The following SLC28A1 variants were observed in gnomAD, a reference collection of about 807,000 sequenced individuals.
The protein encoded by SLC28A1 is sodium/nucleoside cotransporter 1.
A neutral mutation model predicts 74.8 loss-of-function variants in SLC28A1; 64 were observed. The observed-to-expected ratio is 0.86, with a 90% CI of 0.70 to 1.05. SLC28A1 has a LOEUF of 1.05. Among genes scored for constraint, SLC28A1 ranks in the 50% least tolerant of loss-of-function variants. The pLI, the probability that SLC28A1 is intolerant of heterozygous loss-of-function variation, is 0.00. For synonymous variants in SLC28A1, 359 were observed against 335.0 expected (o/e 1.07, Z -0.78); for missense variants, 828 against 822.8 (o/e 1.01, Z -0.08).
chr15:84,955,883 GA>G, the SLC28A1 span, among the ~76,000 whole-genome samples: 1 of 152,096 alleles, frequency 6.6e-6, no homozygotes, highest in African/African-American at 2.4e-5. Context: ...TAGGGGCATT[GA>G]CCCCAGCCTT....
At chr15:84,961,467 G>A in the SLC28A1 span, 2 of 452,778 alleles carry the variant, frequency 4.4e-6, no homozygotes, top group Non-Finnish European at 8.8e-6. Flanking sequence ...AAGCAGCTGG[G>A]ACTACATGTA....
At chr15:84,897,875 A>G (rs778517391) in intron 6 of SLC28A1, among the ~76,000 whole-genome samples, 5 of 152,238 alleles carry the variant, frequency 3.3e-5, no homozygotes, top group Non-Finnish European at 7.3e-5. Context: ...ATGAGTGGGA[A>G]CACACAGTAT....
At chr15:84,896,685 G>A (rs1034207948) in intron 6 of SLC28A1, among the ~76,000 whole-genome samples, 13 of 152,096 alleles carry the variant, frequency 8.5e-5, no homozygotes, top group African/African-American at 2.4e-4. Flanking sequence ...GGTGTTGGGC[G>A]CCTGTAATCC....
Position 84,887,769 on chromosome 15 carries a change from C to T in SLC28A1, c.9C>T (p.Asn3=), listed in dbSNP as rs8187737. The stretch of plus-strand genomic sequence containing the variant: ...GCTGGAAGGTCTGGGACATGGAGAA[C>T]GACCCCTCGAGACGAAGAGAGTCCA... ME[N]DPSRRRESIS... The change falls in exon 3 of 19, where the codon AAC becomes AAT. Residue 3 remains asparagine, a synonymous_variant. Transcript: ENST00000394573. 7,086 of 1,613,758 alleles carry T rather than the reference C, an allele frequency of 4.4e-3. 286 individuals are homozygous for T. The African/African-American group carries it at 0.084, about 19-fold the overall frequency.
chr15:84,942,541 A>G (rs1274022971), intron 15 of SLC28A1, among the ~76,000 whole-genome samples: 1 of 152,212 alleles, frequency 6.6e-6, no homozygotes, highest in Non-Finnish European at 1.5e-5. Flanking sequence ...TTTCCCATAC[A>G]TTATATAATC....
intron 9 of SLC28A1, among the ~76,000 whole-genome samples, chr15:84,913,418 G>T (rs1317934466): frequency 3.3e-5 from 5 of 152,204 alleles, no homozygotes; most frequent in Admixed American, 6.5e-5. Flanking sequence ...GGCCTTCAAA[G>T]CCTGTTTCTT....
Position 84,944,848 on chromosome 15 carries a change from T to C in SLC28A1, c.1855T>C (p.Cys619Arg). 1 of 1,613,196 alleles carries C rather than the reference T, an allele frequency of 6.2e-7. No homozygotes were observed. Among genetic ancestry groups the C allele is most frequent in the Non-Finnish European group, 8.5e-7 (1 of 1,179,184 alleles). Residue 619 changes from cysteine to arginine, a missense_variant, in exon 18 of 19, where the codon TGC becomes CGC. Around this residue, in one of 3 missense-constraint regions of SLC28A1, gnomAD observed 53 missense variants for 44.5 expected, o/e 1.19. Coordinates refer to ENST00000394573, the MANE Select transcript of SLC28A1 (RefSeq NM_004213.5). ...SSSSFEIYQCCREAFQSVNPE... is the reference protein window; with the variant it reads ...SSSSFEIYQCRREAFQSVNPE... Reference sequence around the variant, plus strand: ...CAGTAGCTTTGAGATTTACCAGTGCTGCCGTGAGGCCTTCCAGAGGTGAGG... The same window carrying C: ...CAGTAGCTTTGAGATTTACCAGTGCCGCCGTGAGGCCTTCCAGAGGTGAGG...
intron 12 of SLC28A1, among the ~76,000 whole-genome samples, chr15:84,932,188 G>A (rs1252446309): frequency 6.6e-6 from 1 of 152,114 alleles, no homozygotes; most frequent in East Asian, 1.9e-4. Flanking sequence ...CCACTTCACT[G>A]TGAGGCCTTG....
chr15:84,946,106 A>AT, downstream of SLC28A1, among the ~76,000 whole-genome samples: 1 of 11,358 alleles, frequency 8.8e-5, no homozygotes, highest in Non-Finnish European at 1.9e-4. Context: ...ATATATATAT[A>AT]TATATATTTT....
downstream of SLC28A1, among the ~76,000 whole-genome samples, chr15:84,946,059 C>CAT (rs1337331938): frequency 1.3e-3 from 98 of 77,342 alleles, 2 homozygotes; most frequent in South Asian, 0.011. Flanking sequence ...TATATACATA[C>CAT]ATATATATAT....
chr15:84,960,706 G>GCCCT, the SLC28A1 span, among the ~76,000 whole-genome samples: 1 of 152,116 alleles, frequency 6.6e-6, no homozygotes, highest in Non-Finnish European at 1.5e-5. Flanking sequence ...CCCCACCTTC[G>GCCCT]CCCTCGCTTT....
chr15:84,935,551 G>C, intron 15 of SLC28A1, 33 bp downstream of exon 15: 2 of 1,571,730 alleles, frequency 1.3e-6, no homozygotes, highest in Non-Finnish European at 1.7e-6. Context: ...TGCAGCAGGG[G>C]GATGACACGG....
At position 84,945,590 on chromosome 15, in the gene SLC28A1, T is replaced by G. The variant is rs529358162; in HGVS notation, c.*390T>G. The G allele has an allele frequency of 6.4e-6, 2 of 310,538 alleles. No homozygotes were observed. Among genetic ancestry groups the G allele is most frequent in the Non-Finnish European group, 1.3e-5 (2 of 158,726 alleles). 19.2% of individuals were successfully genotyped at this position (310,538 alleles called of 1,614,324 possible). On this transcript the variant is annotated 3_prime_UTR_variant, in exon 19 of 19. Coordinates refer to ENST00000394573, the MANE Select transcript of SLC28A1 (RefSeq NM_004213.5). ...CACCAAAGCCTCCTCCCCTCCCCAC[T>G]TCCTAGGCACTAGGATCTCTCTGTG...
chr15:84,912,585 C>G (rs912668205), intron 9 of SLC28A1, among the ~76,000 whole-genome samples: 3 of 152,150 alleles, frequency 2.0e-5, no homozygotes, highest in Non-Finnish European at 2.9e-5. Flanking sequence ...CATGATCATA[C>G]TCCCCTGGGT....
chr15:84,944,050 C>T (rs553353099), intron 16 of SLC28A1, among the ~76,000 whole-genome samples: 3 of 152,346 alleles, frequency 2.0e-5, no homozygotes, highest in African/African-American at 7.2e-5. Context: ...AGGTGTGGTG[C>T]TTGCCTGTCC....
chr15:84,947,637 G>A (rs117000314), downstream of SLC28A1, among the ~76,000 whole-genome samples: 1,028 of 152,348 alleles, frequency 6.7e-3, 7 homozygotes, highest in Non-Finnish European at 0.011. Flanking sequence ...TGTGCCTGGT[G>A]AGAGCCAGTT....
At chr15:84,933,012 A>T in intron 12 of SLC28A1, 133 bp from the exon 13 acceptor site, 1 of 828,842 alleles carries the variant, frequency 1.2e-6, no homozygotes. Flanking sequence ...ATTAGTGATG[A>T]CAGCAGTTAT....
intron 5 of SLC28A1, among the ~76,000 whole-genome samples, chr15:84,893,744 G>A (rs1268051448): frequency 4.6e-5 from 7 of 152,124 alleles, no homozygotes; most frequent in African/African-American, 7.2e-5. Flanking sequence ...GACTAGTTCC[G>A]CTGTTTTGGT....
At chr15:84,893,865 C>T (rs1422605169) in intron 5 of SLC28A1, among the ~76,000 whole-genome samples, 1 of 152,176 alleles carries the variant, frequency 6.6e-6, no homozygotes, top group African/African-American at 2.4e-5. Flanking sequence ...AAGCCAGTCA[C>T]AGGGCTTCAC....
Sources: allele counts gnomAD v4.1 joint callset (sites outside exome capture counted in the v4.1 genomes callset), GRCh38; gene constraint gnomAD v4.1.1; regional missense constraint gnomAD v4.1.1; transcripts MANE v1.5; gene names NCBI Gene and HGNC (gene_info 2026-07-23, HGNC 2026-07-21).